Variants in PIP5K1B observed in about 807,000 individuals in gnomAD.
PIP5K1B encodes phosphatidylinositol 4-phosphate 5-kinase type-1 beta.
In PIP5K1B, 42 loss-of-function variants were observed where a neutral mutation model predicts 67.0. That is an observed-to-expected ratio of 0.63 (90% CI 0.49 to 0.81). PIP5K1B has a LOEUF of 0.81. PIP5K1B is among the 30% of genes least tolerant of loss of function. The probability of loss-of-function intolerance (pLI) is 0.00; values close to 1 mark genes in which losing one functional copy is unlikely to be tolerated. For synonymous variants in PIP5K1B, 214 were observed against 231.4 expected, an observed-to-expected ratio of 0.92 and a Z score of 0.68; for missense variants, 459 against 646.3, an observed-to-expected ratio of 0.71 and a Z score of 3.14.
At chr9:68,916,987 C>T (rs1826131196) in intron 8 of PIP5K1B, among the ~76,000 whole-genome samples, 1 of 152,128 alleles carries the variant, frequency 6.6e-6, no homozygotes, top group South Asian at 2.1e-4. Flanking sequence ...TACATTCTAG[C>T]TGTGTCTTCA....
intron 1 of PIP5K1B, among the ~76,000 whole-genome samples, chr9:68,717,424 A>C (rs894137306): frequency 6.6e-6 from 1 of 152,196 alleles, no homozygotes; most frequent in Non-Finnish European, 1.5e-5. Flanking sequence ...AACTTGTCTT[A>C]GGTGGTTCAG....
intron 1 of PIP5K1B, among the ~76,000 whole-genome samples, chr9:68,726,365 A>G (rs953749153): frequency 6.6e-6 from 1 of 152,198 alleles, no homozygotes; most frequent in African/African-American, 2.4e-5. Flanking sequence ...GCCAAAAATG[A>G]GGGAAACTCA....
At chr9:68,925,969 T>A (rs1367027293) in intron 12 of PIP5K1B, among the ~76,000 whole-genome samples, 1 of 151,728 alleles carries the variant, frequency 6.6e-6, no homozygotes, top group African/African-American at 2.4e-5. Context: ...AGCTGGTTTT[T>A]GCTTTTAGTA....
intron 4 of PIP5K1B, among the ~76,000 whole-genome samples, chr9:68,841,664 A>G (rs1564176349): frequency 6.6e-6 from 1 of 152,260 alleles, no homozygotes. Flanking sequence ...AAAAGGAATA[A>G]AAGTCATCAT....
intron 13 of PIP5K1B, among the ~76,000 whole-genome samples, chr9:68,936,825 A>T (rs1369832374): frequency 2.6e-5 from 4 of 152,116 alleles, no homozygotes; most frequent in African/African-American, 7.2e-5. Context: ...CCCACACTAT[A>T]CTACCTGATT....
At chr9:68,973,607 G>A (rs750793322) in intron 14 of PIP5K1B, among the ~76,000 whole-genome samples, 1 of 152,168 alleles carries the variant, frequency 6.6e-6, no homozygotes, top group Non-Finnish European at 1.5e-5. Context: ...GTAAAATTAT[G>A]GGGAGCGTAT....
intron 15 of PIP5K1B, among the ~76,000 whole-genome samples, chr9:68,996,580 A>G (rs184742577): frequency 6.6e-6 from 1 of 152,364 alleles, no homozygotes; most frequent in East Asian, 1.9e-4. Context: ...TCTTCATAAT[A>G]GAGCAAGATT....
At chr9:68,743,337 G>A (rs1166396364) in intron 2 of PIP5K1B, among the ~76,000 whole-genome samples, 1 of 151,914 alleles carries the variant, frequency 6.6e-6, no homozygotes, top group Non-Finnish European at 1.5e-5. Context: ...CTGAGTAGCT[G>A]GGACTACATT....
Position 68,894,418 on chromosome 9 carries a change from G to T in PIP5K1B, c.551G>T (p.Arg184Met). Residue 184 changes from arginine (R) to methionine (M), a missense_variant, in exon 8 of 16, where the codon AGG becomes ATG. Physicochemically the swap from Arg to Met is moderately conservative, Grantham distance 91. This residue lies in a region of PIP5K1B where 290 missense variants were observed against 474.4 expected (regional missense o/e 0.61). Coordinates refer to ENST00000265382, the MANE Select transcript of PIP5K1B (RefSeq NM_003558.4). The stretch of plus-strand genomic sequence containing the variant: ...ATGCAATCAGGAGGCATTAATATCA[G>T]GATTGTGGTGATGAACAACGTTTTG... ...YCMQSGGINI[R>M]IVVMNNVLPR... is the part of the protein sequence containing the mutation. The T allele has an allele frequency of 6.2e-7, 1 of 1,613,900 alleles. No individual in the cohort carries two copies. The highest frequency in any genetic ancestry group is 8.5e-7 in the Non-Finnish European group (1 of 1,179,882).
At chr9:68,924,110 TAAAAAAAA>T (rs71500336) in intron 12 of PIP5K1B, among the ~76,000 whole-genome samples, 2 of 125,852 alleles carry the variant, frequency 1.6e-5, no homozygotes, top group Non-Finnish European at 3.4e-5. Flanking sequence ...CTCTTACCTT[TAAAAAAAA>T]AAAAAAAAAA....
intron 15 of PIP5K1B, among the ~76,000 whole-genome samples, chr9:69,006,105 G>C (rs1430622610): frequency 6.6e-6 from 1 of 152,084 alleles, no homozygotes; most frequent in Non-Finnish European, 1.5e-5. Flanking sequence ...GGCCAAGGCT[G>C]TTCTTGAACT....
At chr9:68,845,404 A>G (rs1016553122) in intron 4 of PIP5K1B, among the ~76,000 whole-genome samples, 1 of 152,126 alleles carries the variant, frequency 6.6e-6, no homozygotes, top group Non-Finnish European at 1.5e-5. Flanking sequence ...GTTCTCTTTC[A>G]TCCTATCTGC....
intron 4 of PIP5K1B, among the ~76,000 whole-genome samples, chr9:68,851,688 C>A (rs894574789): frequency 6.6e-6 from 1 of 152,200 alleles, no homozygotes; most frequent in Non-Finnish European, 1.5e-5. Context: ...GCCCAGAGAT[C>A]AGTGGATGCA....
intron 14 of PIP5K1B, among the ~76,000 whole-genome samples, chr9:68,942,944 C>T (rs1827635764): frequency 6.6e-6 from 1 of 152,148 alleles, no homozygotes; most frequent in African/African-American, 2.4e-5. Context: ...GGGCTCCAGG[C>T]TGGCACCAGG....
chr9:68,708,541 G>GAC (rs1827234091), intron 1 of PIP5K1B, among the ~76,000 whole-genome samples: 2 of 145,508 alleles, frequency 1.4e-5, no homozygotes, highest in African/African-American at 2.6e-5. Flanking sequence ...TTTGTTTGCC[G>GAC]CCCCCCCGCC....
At chr9:68,923,873 A>G (rs1297954166) in intron 12 of PIP5K1B, among the ~76,000 whole-genome samples, 1 of 152,206 alleles carries the variant, frequency 6.6e-6, no homozygotes, top group African/African-American at 2.4e-5. Context: ...GAAATCATAC[A>G]AAGTATCTTT....
intron 7 of PIP5K1B, among the ~76,000 whole-genome samples, chr9:68,893,533 C>T (rs1157461660): frequency 1.3e-5 from 2 of 151,956 alleles, no homozygotes. Context: ...AGGGTTTCAC[C>T]ATGCTAGCCA....
intron 15 of PIP5K1B, among the ~76,000 whole-genome samples, chr9:68,991,603 G>A (rs757992182): frequency 5.3e-5 from 8 of 152,162 alleles, no homozygotes; most frequent in Admixed American, 1.3e-4. Context: ...GTGTGTTGGC[G>A]TTGCTCCCTT....
At chr9:68,892,684 G>A (rs1824857984) in intron 7 of PIP5K1B, among the ~76,000 whole-genome samples, 1 of 152,006 alleles carries the variant, frequency 6.6e-6, no homozygotes, top group Non-Finnish European at 1.5e-5. Context: ...TATGACTTTG[G>A]GATATAAAAA....
Sources: allele counts gnomAD v4.1 joint callset (sites outside exome capture counted in the v4.1 genomes callset), GRCh38; gene constraint gnomAD v4.1.1; regional missense constraint gnomAD v4.1.1; transcripts MANE v1.5; gene names NCBI Gene and HGNC (gene_info 2026-07-23, HGNC 2026-07-21).